The following MGAT4B variants were observed in gnomAD, a reference collection of about 807,000 sequenced individuals.
The protein encoded by MGAT4B is alpha-1,3-mannosyl-glycoprotein 4-beta-N-acetylglucosaminyltransferase B.
MGAT4B carries 38 observed loss-of-function variants against 73.9 expected under a neutral mutation model. The ratio of observed to expected loss-of-function variants is 0.51; its 90% confidence interval spans 0.40 to 0.67. The LOEUF (loss-of-function observed/expected upper bound fraction) is 0.67. Ranked by LOEUF, MGAT4B falls within the 30% of genes least tolerant of loss-of-function variation. MGAT4B has a pLI of 0.00. For missense variants in MGAT4B, 686 were observed against 735.2 expected (o/e 0.93, Z 0.77); for synonymous variants, 373 against 313.5 (o/e 1.19, Z -2.01).
At chr5:179,802,151 A>G (rs58413676) in intron 1 of MGAT4B, 182 bp from the exon 2 acceptor site, 35,572 of 1,509,764 alleles carry the variant, frequency 0.024, 750 homozygotes, top group African/African-American at 0.11. Flanking sequence ...ACTAATGCTC[A>G]TGGGGAGAAA....
chr5:179,800,759 C>T, intron 5 of MGAT4B, 148 bp downstream of exon 5: 1 of 1,049,386 alleles, frequency 9.5e-7, no homozygotes, highest in South Asian at 1.4e-5. Context: ...GGCTGGGCCA[C>T]TTCTGCACAC....
chr5:179,804,380 G>A (rs1166897884), intron 1 of MGAT4B, among the ~76,000 whole-genome samples: 1 of 152,222 alleles, frequency 6.6e-6, no homozygotes, highest in Non-Finnish European at 1.5e-5. Flanking sequence ...GGCCTGGGGA[G>A]GCGGACAGCC....
chr5:179,801,754 G>A lies in MGAT4B; in HGVS notation c.283+30C>T, dbSNP rs1446945484. ...GGGAACCTACAACCAGCCCGCCCCC[G>A]CCTTTTCCCCCTCCCGCCCCAGACC... On this transcript the variant is annotated intron_variant, in intron 2 of 14. Transcript: ENST00000292591. The surrounding 1 kb of genome is among the most constrained non-coding windows in gnomAD (Gnocchi z 4.8). 21 of 755,954 alleles carry A rather than the reference G, an allele frequency of 2.8e-5. No individual in the cohort carries two copies. Among genetic ancestry groups the A allele is most frequent in the Middle Eastern group, 2.8e-4 (1 of 3,626 alleles). 46.8% of individuals were successfully genotyped at this position (755,954 alleles called of 1,614,324 possible). A position where few individuals can be genotyped will look rare whatever the true frequency, so the allele number is the denominator to read the frequency against.
Position 179,800,462 on chromosome 5 carries a change from G to C in MGAT4B, c.719+22C>G, listed in dbSNP as rs1223047073. On this transcript the variant is annotated intron_variant, in intron 6 of 14. Coordinates refer to ENST00000292591, the MANE Select transcript of MGAT4B (RefSeq NM_014275.5). Reference sequence around the variant, plus strand: ...CAGCACAGGCAGGCGGGTTGCTGAGGGTATGGGGGAGTAACTAGTACCTGA... The same window carrying C: ...CAGCACAGGCAGGCGGGTTGCTGAGCGTATGGGGGAGTAACTAGTACCTGA... 1.9e-6 allele frequency: 3 copies of C among 1,540,872 alleles called. No homozygotes were observed. In the South Asian group the frequency reaches 3.4e-5, roughly 17 times the overall value.
Position 179,800,400 on chromosome 5 carries a change from GA to G in MGAT4B, c.719+83del, listed in dbSNP as rs1756860831. 1.1e-5 allele frequency: 15 copies of G among 1,426,336 alleles called. No homozygotes were observed. The South Asian group carries it at 1.5e-4, about 14-fold the overall frequency. The allele number at this position is 1,426,336 out of a possible 1,614,324, so 88.4% of individuals were successfully genotyped here. A position where few individuals can be genotyped will look rare whatever the true frequency, so the allele number is the denominator to read the frequency against. ...CATGGAGAATTCAGGGCACTGCAGG[GA>G]AACACCCTGGACTCAAACACCAGTA... On this transcript the variant is annotated intron_variant, in intron 6 of 14. Coordinates refer to ENST00000292591, the MANE Select transcript of MGAT4B (RefSeq NM_014275.5).
chr5:179,799,119 G>A lies in MGAT4B; in HGVS notation c.1152C>T (p.Asp384=), dbSNP rs1756790458. The A allele has an allele frequency of 6.2e-7, 1 of 1,614,012 alleles. No individual in the cohort carries two copies. The highest frequency in any genetic ancestry group is 8.5e-7 in the Non-Finnish European group (1 of 1,180,040). The change falls in exon 11 of 15, where the codon GAC becomes GAT. Residue 384 remains aspartate, a splice_region_variant and synonymous_variant. Coordinates refer to ENST00000292591, the MANE Select transcript of MGAT4B (RefSeq NM_014275.5). ...SLAGKIQKLK[D]KDFGKQALRK... The stretch of plus-strand genomic sequence containing the variant: ...GCAGCGCCTGCTTTCCAAAGTCTTT[G>A]TCCTGCAGCGGAGGAGGGACAGCAG...
At position 179,797,860 on chromosome 5, in the gene MGAT4B, G is replaced by A. The variant is rs1389712358; in HGVS notation, c.*185C>T. 11 of 785,426 alleles carry A rather than the reference G, an allele frequency of 1.4e-5. No homozygotes were observed. Among genetic ancestry groups the A allele is most frequent in the Middle Eastern group, 3.8e-4 (1 of 2,606 alleles). The allele number at this position is 785,426 out of a possible 1,614,324, so 48.7% of individuals were successfully genotyped here. ...CCGCCTGCCTCCTCCGCGGCCCGGC[G>A]GGCGGGGGCAGCACCAGCTCCTAGG... On this transcript the variant is annotated 3_prime_UTR_variant, in exon 15 of 15. Transcript: ENST00000292591.
chr5:179,799,027 A>G lies in MGAT4B; in HGVS notation c.1244T>C (p.Leu415Pro), dbSNP rs1264282092. 6.2e-7 allele frequency: 1 copy of G among 1,613,960 alleles called. No homozygotes were observed. The highest frequency in any genetic ancestry group is 1.7e-5 in the Admixed American group (1 of 60,028). The change falls in exon 11 of 15, where the codon CTG becomes CCG. Residue 415 changes from leucine to proline, a missense_variant. Physicochemically the swap from Leu to Pro is moderately conservative, Grantham distance 98. Around this residue, in one of 2 missense-constraint regions of MGAT4B, gnomAD observed 449 missense variants for 536.8 expected, o/e 0.84. Coordinates refer to ENST00000292591, the MANE Select transcript of MGAT4B (RefSeq NM_014275.5). ...GTCCTCGCGCAGGTAGGCTTTCTCCAGGGTGAAGTGCTGGTATGTCTTCAG... is the reference window on the plus strand; with the variant it reads ...GTCCTCGCGCAGGTAGGCTTTCTCCGGGGTGAAGTGCTGGTATGTCTTCAG... ...TSLKTYQHFT[L>P]EKAYLREDFF... is the part of the protein sequence containing the mutation.
In MGAT4B at chr5:179,800,463, G is replaced by A. The variant is rs1249037237; in HGVS notation, c.719+21C>T. The A allele has an allele frequency of 4.5e-6, 7 of 1,540,730 alleles. No homozygotes were observed. In the South Asian group the frequency reaches 6.8e-5, roughly 15 times the overall value. On this transcript the variant is annotated intron_variant, in intron 6 of 14. Transcript: ENST00000292591. Reference sequence around the variant, plus strand: ...AGCACAGGCAGGCGGGTTGCTGAGGGTATGGGGGAGTAACTAGTACCTGAC... The same window carrying A: ...AGCACAGGCAGGCGGGTTGCTGAGGATATGGGGGAGTAACTAGTACCTGAC...
chr5:179,800,799 CCCA>C (rs1215881302), intron 5 of MGAT4B, 105 bp downstream of exon 5: 6 of 1,303,718 alleles, frequency 4.6e-6, no homozygotes, highest in African/African-American at 1.5e-5. Context: ...TCCCTGCCTC[CCCA>C]CGAGATAGGA....
chr5:179,805,801 A>T (rs1316396699), intron 1 of MGAT4B, among the ~76,000 whole-genome samples: 1 of 152,152 alleles, frequency 6.6e-6, no homozygotes, highest in East Asian at 1.9e-4. Flanking sequence ...ACTCGGCCCC[A>T]CCATCGCCAA....
chr5:179,800,662 G>C (rs1756877848), intron 5 of MGAT4B, 65 bp from the exon 6 acceptor site: 1 of 1,252,246 alleles, frequency 8.0e-7, no homozygotes. Context: ...GAGCCCACCA[G>C]ACTGTGGCCC....
chr5:179,802,933 G>A (rs1255299013), intron 1 of MGAT4B: 7 of 985,082 alleles, frequency 7.1e-6, no homozygotes, highest in African/African-American at 1.8e-5. Context: ...AAGCCTGACC[G>A]AACTCCCTCT....
chr5:179,804,554 G>A (rs115831135), intron 1 of MGAT4B, among the ~76,000 whole-genome samples: 2,018 of 152,280 alleles, frequency 0.013, 37 homozygotes, highest in African/African-American at 0.043. Flanking sequence ...CTTCTCCAGG[G>A]TCCATTTTGC....
In MGAT4B at chr5:179,797,709, A is replaced by T; in HGVS notation, c.*336T>A. The T allele has an allele frequency of 3.7e-6, 1 of 271,918 alleles. No individual in the cohort carries two copies. Among genetic ancestry groups the T allele is most frequent in the Non-Finnish European group, 6.9e-6 (1 of 145,422 alleles). 16.8% of individuals were successfully genotyped at this position (271,918 alleles called of 1,614,324 possible). A position where few individuals can be genotyped will look rare whatever the true frequency, so the allele number is the denominator to read the frequency against. ...CCAAGAATAAAAAACACAGCACATA[A>T]AGTAGTATATGCATTCCAGTGTTCG... On this transcript the variant is annotated 3_prime_UTR_variant, in exon 15 of 15. Coordinates refer to ENST00000292591, the MANE Select transcript of MGAT4B (RefSeq NM_014275.5).
At chr5:179,799,463 C>A in intron 9 of MGAT4B, 43 bp downstream of exon 9, 2 of 1,612,120 alleles carry the variant, frequency 1.2e-6, no homozygotes, top group Non-Finnish European at 1.7e-6. Flanking sequence ...AGGCTGCCTG[C>A]CCCTTGGCCC....
At chr5:179,805,104 G>A (rs541084312) in intron 1 of MGAT4B, 5 of 152,378 alleles carry the variant, frequency 3.3e-5, no homozygotes, top group Non-Finnish European at 5.9e-5. Context: ...TCACTCTGCT[G>A]TCCTGGAGCC....
In MGAT4B at chr5:179,801,124, C is replaced by T. The variant is rs1371975878; in HGVS notation, c.559-171G>A. On this transcript the variant is annotated intron_variant, in intron 4 of 14. Transcript: ENST00000292591. This position sits in a 1 kb window ranked among gnomAD's most constrained non-coding sequence, Gnocchi z 4.8. ...GAGACGGCCCTTTCCCTTTGGGACT[C>T]GCATGGCCAAGGACTAGGGGGTGGC... 12 of 1,133,780 alleles carry T rather than the reference C, an allele frequency of 1.1e-5. No individual in the cohort carries two copies. The highest frequency in any genetic ancestry group is 7.8e-5 in the East Asian group (3 of 38,638). The allele number at this position is 1,133,780 out of a possible 1,614,324, so 70.2% of individuals were successfully genotyped here. A position where few individuals can be genotyped will look rare whatever the true frequency, so the allele number is the denominator to read the frequency against.
rs780900399 is a variant in MGAT4B, at chr5:179,800,591, G to A, written c.612C>T (p.Pro204=). Reference sequence around the variant, plus strand: ...CCAGGAGCCCAGAATGGATCTCCGTGGGGAACCTGGGGGACGGGAAGGCCT... The same window carrying A: ...CCAGGAGCCCAGAATGGATCTCCGTAGGGAACCTGGGGGACGGGAAGGCCT... ...AVTENIKALF[P]TEIHSGLLEV... is the part of the protein sequence containing the mutation. Residue 204 remains proline, a synonymous_variant, in exon 6 of 15, where the codon CCC becomes CCT. Transcript: ENST00000292591. The A allele has an allele frequency of 6.3e-7, 1 of 1,597,878 alleles. No homozygotes were observed. Among genetic ancestry groups the A allele is most frequent in the Non-Finnish European group, 8.6e-7 (1 of 1,168,638 alleles).
Sources: allele counts gnomAD v4.1 joint callset (sites outside exome capture counted in the v4.1 genomes callset), GRCh38; gene constraint gnomAD v4.1.1; regional missense constraint gnomAD v4.1.1; non-coding constraint Gnocchi (gnomAD v3.1); transcripts MANE v1.5; gene names NCBI Gene and HGNC (gene_info 2026-07-23, HGNC 2026-07-21).